Variants in NBPF12 observed in about 807,000 individuals in gnomAD.
NBPF12 encodes the protein NBPF family member NBPF12.
A neutral mutation model predicts 146.4 loss-of-function variants in NBPF12; 115 were observed. That is an observed-to-expected ratio of 0.79 (90% CI 0.68 to 0.92). The LOEUF is 0.92. Ranked by LOEUF, NBPF12 falls within the 40% of genes least tolerant of loss-of-function variation. The pLI is 0.00. For synonymous variants in NBPF12, 385 were observed against 508.9 expected (o/e 0.76, Z 3.28); for missense variants, 1,205 against 1,326.8 (o/e 0.91, Z 1.43).
intron 16 of NBPF12, 131 bp from the exon 20 acceptor site, chr1:146,976,798 A>G (rs1401021113): frequency 1.4e-5 from 8 of 570,330 alleles, no homozygotes; most frequent in East Asian, 6.0e-5. Flanking sequence ...TCTGTTAAAG[A>G]TAAAACATGA....
In NBPF12 at chr1:146,977,105, G is replaced by C. The variant is rs1427760313; in HGVS notation, c.2192+104G>C. The C allele has an allele frequency of 1.6e-3, 1,131 of 722,002 alleles. 10 individuals carry two copies. The African/African-American group carries it at 0.017, about 11-fold the overall frequency. The allele number at this position is 722,002 out of a possible 1,614,324, so 44.7% of individuals were successfully genotyped here. ...TATGATGGGCCAAAAACCCGCATTCGCTTGGCCACAGTATGTGAAATATAA... is the reference window on the plus strand; with the variant it reads ...TATGATGGGCCAAAAACCCGCATTCCCTTGGCCACAGTATGTGAAATATAA... On this transcript the variant is annotated intron_variant, in intron 17 of 33. Transcript: ENST00000617844.
chr1:146,970,775 G>C (rs1193929467), intron 12 of NBPF12, 56 bp downstream of exon 15: 1 of 1,259,104 alleles, frequency 7.9e-7, no homozygotes, highest in African/African-American at 1.5e-5. Context: ...AAATGTCTAG[G>C]AGGCATGCCC....
upstream of NBPF12, among the ~76,000 whole-genome samples, chr1:146,949,060 T>A (rs1655206982): frequency 1.3e-5 from 2 of 152,044 alleles, no homozygotes; most frequent in Non-Finnish European, 2.9e-5. Flanking sequence ...ATTATCCTAT[T>A]GTCCTGCCAC....
intron 2 of NBPF12, among the ~76,000 whole-genome samples, chr1:146,952,400 A>C (rs1165101385): frequency 6.6e-6 from 1 of 152,046 alleles, no homozygotes; most frequent in Admixed American, 6.5e-5. Context: ...ACTCTTCAAA[A>C]CATAATTGAG....
chr1:146,972,108 GTC>G (rs1210282490), intron 13 of NBPF12, among the ~76,000 whole-genome samples: 2 of 143,078 alleles, frequency 1.4e-5, no homozygotes, highest in East Asian at 4.1e-4. Flanking sequence ...AAAAAAGTAA[GTC>G]TCTGACCAGG....
At chr1:146,938,994 G>A (rs1261929902) in intron 1 of NBPF12, 1 of 152,326 alleles carries the variant, frequency 6.6e-6, no homozygotes, top group Admixed American at 6.5e-5. Flanking sequence ...TGAGGGCGCC[G>A]CGCCAGGCCG....
intron 9 of NBPF12, among the ~76,000 whole-genome samples, chr1:146,967,364 G>A (rs1656273534): frequency 1.3e-5 from 2 of 150,984 alleles, no homozygotes; most frequent in African/African-American, 4.9e-5. Flanking sequence ...AGATGGGCGT[G>A]GTGGCAGGTG....
exon 34 of NBPF12, chr1:146,994,580 C>T: frequency 7.5e-6 from 12 of 1,608,670 alleles, no homozygotes; most frequent in African/African-American, 1.4e-5. Context: ...CAATAAGCAG[C>T]CCTTACTAAG....
At position 146,978,374 on chromosome 1, in the gene NBPF12, C is replaced by T. The variant is rs1477211712; in HGVS notation, c.2399-585C>T. ...CTGCCTCCCAGATTCAAGTGATTCT[C>T]CTGCCTCAGCCTCCTGAGTTGCTGG... On this transcript the variant is annotated intron_variant, in intron 18 of 33. Transcript: ENST00000617844. 4.2e-5 allele frequency among the ~76,000 whole-genome samples: 6 copies of T among 143,706 alleles called. No individual in the cohort carries two copies. The Admixed American group carries it at 4.3e-4, about 10-fold the overall frequency. The allele number at this position is 143,706 out of a possible 152,430, so 94.3% of individuals were successfully genotyped here. A position where few individuals can be genotyped will look rare whatever the true frequency, so the allele number is the denominator to read the frequency against.
At chr1:146,992,397 C>G (rs1409320924) in intron 31 of NBPF12, among the ~76,000 whole-genome samples, 1 of 140,620 alleles carries the variant, frequency 7.1e-6, no homozygotes, top group African/African-American at 2.7e-5. Flanking sequence ...CTGTTACTCC[C>G]TCATCAGTGT....
intron 14 of NBPF12, among the ~76,000 whole-genome samples, chr1:146,973,342 C>T: frequency 6.6e-6 from 1 of 151,744 alleles, no homozygotes; most frequent in African/African-American, 2.4e-5. Context: ...AACTTTTATT[C>T]AGTTCAAGTT....
exon 34 of NBPF12, chr1:146,994,866 G>T: frequency 1.9e-6 from 1 of 525,082 alleles, no homozygotes; most frequent in Non-Finnish European, 3.2e-6. Context: ...AAATTCCTCA[G>T]GGATTTCATT....
exon 34 of NBPF12, chr1:146,994,357 G>C (rs782023062): frequency 2.5e-6 from 4 of 1,611,526 alleles, no homozygotes; most frequent in African/African-American, 2.7e-5. Flanking sequence ...GATGGAAGTG[G>C]AAGAGCCTGA....
chr1:146,963,385 G>A (rs1234013230), intron 6 of NBPF12, 76 bp downstream of exon 9: 3 of 1,594,708 alleles, frequency 1.9e-6, no homozygotes, highest in Non-Finnish European at 2.6e-6. Context: ...CTTTCATGAT[G>A]ACAGTTGTAT....
intron 6 of NBPF12, 85 bp from the exon 10 acceptor site, chr1:146,964,272 T>A (rs1285999568): frequency 1.9e-6 from 3 of 1,575,970 alleles, no homozygotes; most frequent in African/African-American, 1.4e-5. Flanking sequence ...CATACATAGA[T>A]GTTCATGTCT....
At chr1:146,949,082 C>T (rs1240580470), upstream of NBPF12, among the ~76,000 whole-genome samples, 9 of 150,208 alleles carry the variant, frequency 6.0e-5, no homozygotes, top group East Asian at 3.9e-4. Flanking sequence ...TCCCCCTCTC[C>T]GGAAACGCCC....
chr1:146,978,547 C>T (rs1359046195), intron 18 of NBPF12, among the ~76,000 whole-genome samples: 1 of 151,544 alleles, frequency 6.6e-6, no homozygotes, highest in Non-Finnish European at 1.5e-5. Flanking sequence ...CTTTTTAAAG[C>T]AAGAGTTGTT....
intron 10 of NBPF12, among the ~76,000 whole-genome samples, chr1:146,968,875 A>C (rs1217793033): frequency 1.3e-5 from 2 of 151,162 alleles, no homozygotes; most frequent in Non-Finnish European, 2.9e-5. Flanking sequence ...TCACGACCCC[A>C]CTTACCCTTA....
intron 5 of NBPF12, 42 bp from the exon 9 acceptor site, chr1:146,963,053 A>C: frequency 6.2e-7 from 1 of 1,610,448 alleles, no homozygotes; most frequent in Non-Finnish European, 8.5e-7. Flanking sequence ...CGGATCACTC[A>C]ACGCTTTTCA....
Sources: allele counts gnomAD v4.1 joint callset (sites outside exome capture counted in the v4.1 genomes callset), GRCh38; gene constraint gnomAD v4.1.1; transcripts MANE v1.5; gene names NCBI Gene and HGNC (gene_info 2026-07-23, HGNC 2026-07-21).